Variants in TGS1 observed in about 807,000 individuals in gnomAD.
TGS1 encodes the protein trimethylguanosine synthase.
TGS1 carries 69 observed loss-of-function variants against 92.2 expected under a neutral mutation model. That is an observed-to-expected ratio of 0.75 (90% CI 0.62 to 0.91). The LOEUF is 0.91. Ranked by LOEUF, TGS1 falls within the 40% of genes least tolerant of loss-of-function variation. The probability of loss-of-function intolerance (pLI) is 0.00; values close to 1 mark genes in which losing one functional copy is unlikely to be tolerated. For missense variants in TGS1, 1,062 were observed against 1,001.2 expected (o/e 1.06, Z -0.82); for synonymous variants, 345 against 338.1 (o/e 1.02, Z -0.22).
intron 12 of TGS1, among the ~76,000 whole-genome samples, chr8:55,818,894 G>A (rs921533972): frequency 4.6e-5 from 7 of 152,220 alleles, no homozygotes; most frequent in Admixed American, 2.0e-4. Flanking sequence ...CTGGTTCTGA[G>A]AATGAGTGAA....
At chr8:55,821,601 C>T (rs1803635858) in intron 12 of TGS1, among the ~76,000 whole-genome samples, 1 of 152,100 alleles carries the variant, frequency 6.6e-6, no homozygotes, top group South Asian at 2.1e-4. Context: ...CGGCCAGGCA[C>T]GGTGGTTCAC....
At chr8:55,792,583 T>G in intron 5 of TGS1, 115 bp from the exon 6 acceptor site, 1 of 645,674 alleles carries the variant, frequency 1.5e-6, no homozygotes, top group Admixed American at 2.7e-5. Context: ...GAACTATGGT[T>G]GACTATGGTG....
chr8:55,778,763 A>G (rs777549086), intron 1 of TGS1, among the ~76,000 whole-genome samples: 2 of 152,254 alleles, frequency 1.3e-5, no homozygotes, highest in South Asian at 2.1e-4. Context: ...CCATTTTACT[A>G]CTTGAAAATG....
chr8:55,811,186 GGCA>G, intron 11 of TGS1, 89 bp downstream of exon 11: 1 of 476,756 alleles, frequency 2.1e-6, no homozygotes, highest in Non-Finnish European at 3.8e-6. Context: ...TGGGTGGGTG[GGCA>G]GGGTGGCTCA....
At chr8:55,813,204 G>A (rs1803384679) in intron 12 of TGS1, 86 bp downstream of exon 12, 4 of 971,696 alleles carry the variant, frequency 4.1e-6, no homozygotes, top group African/African-American at 1.6e-5. Context: ...CCTTACCAGA[G>A]AATGTGTTTA....
intron 12 of TGS1, among the ~76,000 whole-genome samples, chr8:55,815,815 C>T (rs1289715190): frequency 2.0e-5 from 3 of 151,896 alleles, no homozygotes; most frequent in Non-Finnish European, 4.4e-5. Flanking sequence ...GCATTTCTTG[C>T]TAAGAACTGA....
chr8:55,802,401 C>T (rs968827115), intron 8 of TGS1, 56 bp from the exon 9 acceptor site: 67 of 1,442,116 alleles, frequency 4.6e-5, no homozygotes, highest in African/African-American at 8.5e-5. Context: ...ATAAACTCAC[C>T]TGTGATACTA....
rs768177307 is a variant in TGS1, at chr8:55,786,952, A to G, written c.1054A>G (p.Ser352Gly). The G allele has an allele frequency of 1.2e-6, 2 of 1,614,182 alleles. No individual in the cohort carries two copies. Among genetic ancestry groups the G allele is most frequent in the East Asian group, 2.2e-5 (1 of 44,876 alleles). ...HDGHQQLSEV[S>G]SKRECPASGQ... Reference sequence around the variant, plus strand: ...TGGTCATCAACAGCTAAGTGAAGTTAGTAGCAAAAGAGAGTGCCCTGCTTC... The same window carrying G: ...TGGTCATCAACAGCTAAGTGAAGTTGGTAGCAAAAGAGAGTGCCCTGCTTC... Residue 352 changes from serine to glycine, a missense_variant, in exon 4 of 13, where the codon AGT (serine) becomes GGT (glycine). Ser to Gly is a moderately conservative substitution (Grantham distance 56). Coordinates refer to ENST00000260129, the MANE Select transcript of TGS1 (RefSeq NM_024831.8).
chr8:55,778,922 A>G (rs1811476609), intron 1 of TGS1, among the ~76,000 whole-genome samples: 1 of 152,212 alleles, frequency 6.6e-6, no homozygotes, highest in South Asian at 2.1e-4. Flanking sequence ...GATGATTGCT[A>G]TATTCAGAGG....
At chr8:55,795,659 G>A (rs1311802515) in intron 6 of TGS1, among the ~76,000 whole-genome samples, 1 of 152,020 alleles carries the variant, frequency 6.6e-6, no homozygotes, top group African/African-American at 2.4e-5. Context: ...CCCTAACAAG[G>A]GGATAGGGTT....
intron 2 of TGS1, among the ~76,000 whole-genome samples, chr8:55,784,565 G>T (rs1024812754): frequency 1.3e-5 from 2 of 152,102 alleles, no homozygotes; most frequent in African/African-American, 4.8e-5. Context: ...GCCTCAAGCA[G>T]CCTCTCAAAA....
chr8:55,785,072 GT>G lies in TGS1; in HGVS notation c.167-637del, dbSNP rs377675279. Among the ~76,000 whole-genome samples, 317 of 137,480 alleles carry G rather than the reference GT, an allele frequency of 2.3e-3. 2 individuals are homozygous for G. The highest frequency in any genetic ancestry group is 9.0e-3 in the African/African-American group (295 of 32,762). 90.2% of individuals were successfully genotyped at this position (137,480 alleles called of 152,430 possible). On this transcript the variant is annotated intron_variant, in intron 2 of 12. Transcript: ENST00000260129. ...TGGTGTTTTTTGTTTTTTGTTTTTT[GT>G]TTTTTTTTTGAGACAGAGTCTCGCT... is the stretch of plus-strand genomic sequence containing the variant.
At chr8:55,808,839 A>T (rs1011941855) in intron 10 of TGS1, among the ~76,000 whole-genome samples, 7 of 152,048 alleles carry the variant, frequency 4.6e-5, no homozygotes, top group African/African-American at 1.7e-4. Context: ...TTGCCCCCCA[A>T]ACCAGAAGTG....
At chr8:55,818,947 G>GT (rs1173622823) in intron 12 of TGS1, among the ~76,000 whole-genome samples, 1 of 152,066 alleles carries the variant, frequency 6.6e-6, no homozygotes, top group South Asian at 2.1e-4. Flanking sequence ...TTTTGGTGGG[G>GT]TTTTTTTCTT....
chr8:55,786,148 G>T, intron 3 of TGS1, 90 bp from the exon 4 acceptor site: 1 of 829,736 alleles, frequency 1.2e-6, no homozygotes, highest in East Asian at 2.7e-5. Flanking sequence ...AGAGTATTTT[G>T]TTTAATTTAA....
At position 55,813,091 on chromosome 8, in the gene TGS1, T is replaced by G. The variant is rs745921581; in HGVS notation, c.2412T>G (p.Phe804Leu). 6.2e-7 allele frequency: 1 copy of G among 1,610,814 alleles called. No individual in the cohort carries two copies. The highest frequency in any genetic ancestry group is 8.5e-7 in the Non-Finnish European group (1 of 1,177,852). Reference sequence around the variant, plus strand: ...AGATCACTAATAATATTGTTTATTTTCTTCCAAGAAATGCTGATATTGACC... The same window carrying G: ...AGATCACTAATAATATTGTTTATTTGCTTCCAAGAAATGCTGATATTGACC... ...SKKITNNIVYFLPRNADIDQV... is the reference protein window; with the variant it reads ...SKKITNNIVYLLPRNADIDQV... The change falls in exon 12 of 13, where the codon TTT (phenylalanine) becomes TTG (leucine). Residue 804 changes from phenylalanine to leucine, a missense_variant. Coordinates refer to ENST00000260129, the MANE Select transcript of TGS1 (RefSeq NM_024831.8).
chr8:55,776,096 T>C (rs930863982), intron 1 of TGS1, among the ~76,000 whole-genome samples: 2 of 152,004 alleles, frequency 1.3e-5, no homozygotes, highest in African/African-American at 4.8e-5. Flanking sequence ...TCGGCAAGAC[T>C]CCTGTCTCAA....
At position 55,786,938 on chromosome 8, in the gene TGS1, A is replaced by G. The variant is rs758030179; in HGVS notation, c.1040A>G (p.Gln347Arg). ...TGTACAAGTCATGATGGTCATCAAC[A>G]GCTAAGTGAAGTTAGTAGCAAAAGA... ...DSCTSHDGHQ[Q>R]LSEVSSKREC... The change falls in exon 4 of 13, where the codon CAG (glutamine) becomes CGG (arginine). Residue 347 changes from glutamine to arginine, a missense_variant. Coordinates refer to ENST00000260129, the MANE Select transcript of TGS1 (RefSeq NM_024831.8). 8.1e-6 allele frequency: 13 copies of G among 1,614,176 alleles called. No homozygotes were observed. Among genetic ancestry groups the G allele is most frequent in the Middle Eastern group, 1.6e-4 (1 of 6,062 alleles).
chr8:55,785,749 G>C lies in TGS1; in HGVS notation c.197G>C (p.Gly66Ala). The change falls in exon 3 of 13, where the codon GGT becomes GCT. Residue 66 changes from glycine (G) to alanine (A), a missense_variant. Gly to Ala is a moderately conservative substitution (Grantham distance 60, BLOSUM62 0). Transcript: ENST00000260129. Reference protein sequence around the residue: ...GDQATEEEEGGYSCGTAESHD... With the variant: ...GDQATEEEEGAYSCGTAESHD... ...CAGGCGACAGAAGAAGAGGAAGGTG[G>C]TTATTCCTGTGGTACTGCAGAATCA... The C allele has an allele frequency of 1.2e-6, 2 of 1,611,692 alleles. No individual in the cohort carries two copies. The highest frequency in any genetic ancestry group is 1.7e-6 in the Non-Finnish European group (2 of 1,179,178).
Sources: allele counts gnomAD v4.1 joint callset (sites outside exome capture counted in the v4.1 genomes callset), GRCh38; gene constraint gnomAD v4.1.1; transcripts MANE v1.5; gene names NCBI Gene and HGNC (gene_info 2026-07-23, HGNC 2026-07-21).